PARD3B: variants seen among roughly 807,000 people sequenced by gnomAD.
The protein encoded by PARD3B is partitioning defective 3 homolog B.
Under a neutral mutation model 130.2 loss-of-function variants are expected in PARD3B, and 103 were observed. The observed-to-expected ratio is 0.79, with a 90% CI of 0.67 to 0.93. PARD3B has a LOEUF of 0.93. PARD3B is among the 40% of genes least tolerant of loss of function. The pLI is 0.00. For synonymous variants in PARD3B, 583 were observed against 553.2 expected (o/e 1.05, Z -0.76); for missense variants, 1,609 against 1,499.2 (o/e 1.07, Z -1.21).
chr2:204,850,448 G>C (rs921169681), intron 2 of PARD3B, among the ~76,000 whole-genome samples: 3 of 146,054 alleles, frequency 2.1e-5, no homozygotes, highest in African/African-American at 8.2e-5. Flanking sequence ...GGTAAACCTG[G>C]GTGAACTTTC....
chr2:204,953,250 G>A (rs1207116267), intron 2 of PARD3B, among the ~76,000 whole-genome samples: 2 of 152,128 alleles, frequency 1.3e-5, no homozygotes, highest in African/African-American at 4.8e-5. Context: ...TTACAAGATG[G>A]CTGAATATAA....
At chr2:205,495,498 A>C (rs1316528193) in intron 20 of PARD3B, among the ~76,000 whole-genome samples, 2 of 152,172 alleles carry the variant, frequency 1.3e-5, no homozygotes, top group Non-Finnish European at 2.9e-5. Flanking sequence ...CACTTTTACT[A>C]GTTTTATATG....
intron 2 of PARD3B, among the ~76,000 whole-genome samples, chr2:204,804,070 A>C (rs190754180): frequency 1.3e-3 from 200 of 152,228 alleles, no homozygotes; most frequent in Admixed American, 3.5e-3. Flanking sequence ...ACAACAACAA[A>C]AAAATAAATT....
At chr2:205,504,472 GA>G (rs1330479401) in intron 21 of PARD3B, among the ~76,000 whole-genome samples, 1 of 152,122 alleles carries the variant, frequency 6.6e-6, no homozygotes, top group Non-Finnish European at 1.5e-5. Flanking sequence ...CAGAATGGGA[GA>G]AAATTTTTGC....
At chr2:204,613,474 CAT>C (rs966333303) in intron 1 of PARD3B, among the ~76,000 whole-genome samples, 24 of 152,068 alleles carry the variant, frequency 1.6e-4, no homozygotes, top group Non-Finnish European at 2.4e-4. Flanking sequence ...TTTTGGGAAA[CAT>C]TATTTCTTTA....
chr2:205,516,540 A>C (rs2050798844), intron 21 of PARD3B, among the ~76,000 whole-genome samples: 1 of 152,070 alleles, frequency 6.6e-6, no homozygotes, highest in South Asian at 2.1e-4. Context: ...GCAGTTGTGA[A>C]TGGGATTGCC....
rs78160524 is a variant in PARD3B, at chr2:204,997,311, T to A, written c.394+31988T>A. Among the ~76,000 whole-genome samples the A allele has an allele frequency of 9.3e-3, 1,419 of 152,330 alleles. 20 individuals are homozygous for A. Among genetic ancestry groups the A allele is most frequent in the African/African-American group, 0.032 (1,340 of 41,574 alleles). On this transcript the variant is annotated intron_variant, in intron 3 of 22. Coordinates refer to ENST00000406610, the MANE Select transcript of PARD3B (RefSeq NM_001302769.2). ...CTATGAGATTTTGATTGGGATTGAATTGAATTTGTAGATTAGTTTGGAGAG... is the reference window on the plus strand; with the variant it reads ...CTATGAGATTTTGATTGGGATTGAAATGAATTTGTAGATTAGTTTGGAGAG...
At chr2:204,578,205 TA>T (rs1047887797) in intron 1 of PARD3B, among the ~76,000 whole-genome samples, 1 of 152,194 alleles carries the variant, frequency 6.6e-6, no homozygotes, top group African/African-American at 2.4e-5. Context: ...TTCTGCAAGA[TA>T]TTTTTTTAGG....
intron 2 of PARD3B, among the ~76,000 whole-genome samples, chr2:204,937,319 G>T (rs1207316357): frequency 6.6e-6 from 1 of 152,150 alleles, no homozygotes. Flanking sequence ...TTGCCCCTCT[G>T]ACACCCATTC....
chr2:205,275,669 C>G (rs1172783561), intron 16 of PARD3B, among the ~76,000 whole-genome samples: 1 of 151,754 alleles, frequency 6.6e-6, no homozygotes, highest in African/African-American at 2.4e-5. Flanking sequence ...AACCCTGTCT[C>G]TACTAACAAT....
At chr2:204,939,990 T>C (rs1688781241) in intron 2 of PARD3B, among the ~76,000 whole-genome samples, 1 of 152,228 alleles carries the variant, frequency 6.6e-6, no homozygotes. Context: ...AATTGGTAAG[T>C]TGAAATATTG....
At chr2:205,260,993 C>A (rs1402190429) in intron 16 of PARD3B, among the ~76,000 whole-genome samples, 6 of 151,898 alleles carry the variant, frequency 4.0e-5, no homozygotes, top group Non-Finnish European at 7.4e-5. Context: ...ACCTAAAAGG[C>A]AATCTCAAAT....
chr2:204,921,955 G>A (rs1462817125), intron 2 of PARD3B, among the ~76,000 whole-genome samples: 1 of 152,114 alleles, frequency 6.6e-6, no homozygotes, highest in African/African-American at 2.4e-5. Context: ...CAGGCTGGGG[G>A]TGTGGCATGG....
Position 205,091,911 on chromosome 2 carries a change from T to C in PARD3B, c.505-12515T>C, listed in dbSNP as rs561179751. ...AGCAAAGGGGACCCTCAATAAGGAC[T>C]TGTGAACTGAATGATTCCTGTTTTG... is the stretch of plus-strand genomic sequence containing the variant. On this transcript the variant is annotated intron_variant, in intron 4 of 22. Coordinates refer to ENST00000406610, the MANE Select transcript of PARD3B (RefSeq NM_001302769.2). The surrounding 1 kb of genome is among the most constrained non-coding windows in gnomAD (Gnocchi z 4.2). Among the ~76,000 whole-genome samples the C allele has an allele frequency of 5.3e-5, 8 of 152,272 alleles. No individual in the cohort carries two copies. In the South Asian group the frequency reaches 1.7e-3, roughly 32 times the overall value.
At chr2:205,518,776 C>T (rs528231456) in intron 21 of PARD3B, among the ~76,000 whole-genome samples, 3 of 152,116 alleles carry the variant, frequency 2.0e-5, no homozygotes, top group African/African-American at 4.8e-5. Flanking sequence ...CAGGTCTGGT[C>T]GTAGTGAATT....
chr2:204,789,686 A>AG (rs756362612), intron 2 of PARD3B, among the ~76,000 whole-genome samples: 8 of 152,098 alleles, frequency 5.3e-5, no homozygotes, highest in Non-Finnish European at 7.4e-5. Flanking sequence ...TACCTTTCTA[A>AG]ATCTAGTCTA....
chr2:205,317,798 A>G (rs923230984), intron 18 of PARD3B, among the ~76,000 whole-genome samples: 2 of 152,218 alleles, frequency 1.3e-5, no homozygotes, highest in Admixed American at 6.5e-5. Context: ...AAGAGTGGAC[A>G]GTATAAAAGG....
intron 13 of PARD3B, among the ~76,000 whole-genome samples, chr2:205,182,614 A>G (rs2035857312): frequency 6.6e-6 from 1 of 152,160 alleles, no homozygotes; most frequent in Non-Finnish European, 1.5e-5. Flanking sequence ...CAATAAATAC[A>G]TACATAGTTC....
rs115224607 is a variant in PARD3B, at chr2:205,366,085, C to T, written c.2631-34928C>T. 7.6e-3 allele frequency among the ~76,000 whole-genome samples: 1,154 copies of T among 152,188 alleles called. 12 individuals carry two copies. The highest frequency in any genetic ancestry group is 0.027 in the African/African-American group (1,105 of 41,512). On this transcript the variant is annotated intron_variant, in intron 18 of 22. Transcript: ENST00000406610. The surrounding 1 kb of genome is among the most constrained non-coding windows in gnomAD (Gnocchi z 5.0). ...CTATCCCCCCACTCATCCATCCATC[C>T]GTTTATCCATCCATTCATCCATCCA... is the stretch of plus-strand genomic sequence containing the variant.
Sources: gnomAD v4.1 joint callset for allele counts (sites outside exome capture counted in the v4.1 genomes callset) on GRCh38, gnomAD v4.1.1 for gene constraint, Gnocchi (gnomAD v3.1) non-coding constraint, MANE v1.5 for transcripts, NCBI Gene and HGNC (gene_info 2026-07-23, HGNC 2026-07-21) for gene names.